Variants in LAMA1 observed in about 807,000 individuals in gnomAD.
LAMA1 encodes the protein laminin subunit alpha-1.
A neutral mutation model predicts 348.7 loss-of-function variants in LAMA1; 219 were observed. The observed-to-expected ratio is 0.63, with a 90% CI of 0.56 to 0.70. The LOEUF (loss-of-function observed/expected upper bound fraction) is 0.70, where lower values mean the gene tolerates loss of function less well. LAMA1 is among the 30% of genes least tolerant of loss of function. LAMA1 has a pLI of 0.00. For missense variants in LAMA1, 3,744 were observed against 3,888.0 expected (o/e 0.96, Z 0.99); for synonymous variants, 1,487 against 1,491.0 (o/e 1.00, Z 0.06).
At chr18:7,030,479 G>C (rs2057963789) in intron 16 of LAMA1, among the ~76,000 whole-genome samples, 1 of 142,782 alleles carries the variant, frequency 7.0e-6, no homozygotes. Context: ...GATGAAATCA[G>C]AATGTGGGGT....
chr18:7,033,911 T>A (rs564261947), intron 14 of LAMA1, among the ~76,000 whole-genome samples: 7 of 152,160 alleles, frequency 4.6e-5, no homozygotes, highest in South Asian at 2.1e-4. Context: ...ATTTTTTGTA[T>A]TTTTAGTAGA....
At chr18:7,055,726 G>A (rs1453029501) in intron 3 of LAMA1, among the ~76,000 whole-genome samples, 1 of 152,052 alleles carries the variant, frequency 6.6e-6, no homozygotes, top group Non-Finnish European at 1.5e-5. Flanking sequence ...AGATGTTTTG[G>A]CTATCTCTGA....
chr18:7,032,457 T>C (rs2057974611), intron 15 of LAMA1, among the ~76,000 whole-genome samples: 1 of 152,212 alleles, frequency 6.6e-6, no homozygotes. Flanking sequence ...CGGCCTATTC[T>C]TGTTATGGTA....
chr18:7,057,324 A>G (rs2058085634), intron 3 of LAMA1, among the ~76,000 whole-genome samples: 1 of 152,076 alleles, frequency 6.6e-6, no homozygotes, highest in Non-Finnish European at 1.5e-5. Flanking sequence ...GGCAGTTTGT[A>G]CTCTTAAGCA....
At chr18:7,035,226 T>C (rs1031552404) in intron 13 of LAMA1, among the ~76,000 whole-genome samples, 1 of 152,090 alleles carries the variant, frequency 6.6e-6, no homozygotes, top group African/African-American at 2.4e-5. Flanking sequence ...TCCTCCTGAC[T>C]GAGCTGGATC....
intron 1 of LAMA1, among the ~76,000 whole-genome samples, chr18:7,093,840 T>C (rs2058249793): frequency 6.7e-6 from 1 of 150,048 alleles, no homozygotes; most frequent in Non-Finnish European, 1.5e-5. Context: ...AGTGTCACGA[T>C]ATCGGCTCCC....
intron 51 of LAMA1, among the ~76,000 whole-genome samples, chr18:6,963,581 C>T (rs531548323): frequency 4.5e-4 from 68 of 152,328 alleles, no homozygotes; most frequent in African/African-American, 1.6e-3. Context: ...AACTGAATGG[C>T]TGCAGCTCTG....
chr18:7,038,457 C>A (rs1478328333), intron 11 of LAMA1: 1 of 372,178 alleles, frequency 2.7e-6, no homozygotes, highest in Non-Finnish European at 5.1e-6. Context: ...GGAAAATCCC[C>A]ATGGCCCCAC....
intron 60 of LAMA1, 76 bp downstream of exon 60, chr18:6,948,327 T>TATA: frequency 6.3e-7 from 1 of 1,590,494 alleles, no homozygotes; most frequent in Non-Finnish European, 8.6e-7. Flanking sequence ...GGTCCTGTCT[T>TATA]ATACTCTTGG....
chr18:6,976,588 A>ATATTTATT (rs66905104), intron 44 of LAMA1, among the ~76,000 whole-genome samples: 62 of 148,308 alleles, frequency 4.2e-4, no homozygotes, highest in Admixed American at 8.1e-4. Flanking sequence ...CCTTGGGCTT[A>ATATTTATT]TATTTATTTA....
chr18:7,009,223 T>C lies in LAMA1; in HGVS notation c.4001+16A>G, dbSNP rs1158266413. ...AATATGAAAATAACGGTCAAAATTC[T>C]AGAAGCTCCAAGTACCTGCTCTGCT... is the stretch of plus-strand genomic sequence containing the variant. On this transcript the variant is annotated intron_variant, in intron 27 of 62. Coordinates refer to ENST00000389658, the MANE Select transcript of LAMA1 (RefSeq NM_005559.4). 2.5e-6 allele frequency: 4 copies of C among 1,614,074 alleles called. No homozygotes were observed. Among genetic ancestry groups the C allele is most frequent in the Non-Finnish European group, 3.4e-6 (4 of 1,179,972 alleles).
chr18:6,945,369 A>T (rs543062260), intron 61 of LAMA1, among the ~76,000 whole-genome samples: 6 of 152,176 alleles, frequency 3.9e-5, no homozygotes, highest in Non-Finnish European at 8.8e-5. Flanking sequence ...AAGGTCAGAC[A>T]TGACCTTTCA....
At chr18:6,985,670 T>C (rs917437136) in intron 37 of LAMA1, 27 bp from the exon 38 acceptor site, 2 of 1,545,864 alleles carry the variant, frequency 1.3e-6, no homozygotes, top group African/African-American at 2.7e-5. Context: ...ATTTTAAGGG[T>C]GCTTCATAAA....
chr18:7,086,226 T>C (rs8095565), intron 1 of LAMA1, among the ~76,000 whole-genome samples: 53,126 of 152,080 alleles, frequency 0.35, 10,555 homozygotes, highest in Non-Finnish European at 0.46. Flanking sequence ...AAGCTTCTTC[T>C]CACCGATGTG....
At chr18:7,107,552 TTG>T (rs2058317337) in intron 1 of LAMA1, among the ~76,000 whole-genome samples, 2 of 152,104 alleles carry the variant, frequency 1.3e-5, no homozygotes, top group Non-Finnish European at 2.9e-5. Flanking sequence ...CACACTACCT[TTG>T]AACATCCTTG....
Position 6,992,437 on chromosome 18 carries a change from C to T in LAMA1, c.5168+124G>A, listed in dbSNP as rs2057762810. 2.7e-6 allele frequency: 3 copies of T among 1,094,262 alleles called. No homozygotes were observed. In the Admixed American group the frequency reaches 5.2e-5, roughly 19 times the overall value. The allele number at this position is 1,094,262 out of a possible 1,614,324, so 67.8% of individuals were successfully genotyped here. A position where few individuals can be genotyped will look rare whatever the true frequency, so the allele number is the denominator to read the frequency against. ...TTACTTGACCACAGGGCCCCTTCTC[C>T]TCTCTTAGGATATTTCATTTCCAGT... On this transcript the variant is annotated intron_variant, in intron 36 of 62. Coordinates refer to ENST00000389658, the MANE Select transcript of LAMA1 (RefSeq NM_005559.4).
In LAMA1 at chr18:7,049,010, A is replaced by C. The variant is rs2058052428; in HGVS notation, c.768+68T>G. ...GAACAACCAAAAAGGAAAGAAGAAA[A>C]ATAATAGTTCCTTTAAATAAAATGA... is the stretch of plus-strand genomic sequence containing the variant. On this transcript the variant is annotated intron_variant, in intron 5 of 62. Transcript: ENST00000389658. 2.0e-6 allele frequency: 3 copies of C among 1,476,868 alleles called. No individual in the cohort carries two copies. The East Asian group carries it at 7.2e-5, about 35-fold the overall frequency. The allele number at this position is 1,476,868 out of a possible 1,614,324, so 91.5% of individuals were successfully genotyped here.
chr18:7,059,770 C>T (rs1293868191), intron 3 of LAMA1, among the ~76,000 whole-genome samples: 3 of 152,188 alleles, frequency 2.0e-5, no homozygotes, highest in Admixed American at 1.3e-4. Flanking sequence ...ACGGTGGTAA[C>T]TGAACAGTGA....
chr18:7,014,718 A>G (rs757713987), intron 22 of LAMA1, among the ~76,000 whole-genome samples: 1 of 152,138 alleles, frequency 6.6e-6, no homozygotes, highest in African/African-American at 2.4e-5. Flanking sequence ...AGAAGGCTAC[A>G]TAGAAAACTG....
Sources: allele counts gnomAD v4.1 joint callset (sites outside exome capture counted in the v4.1 genomes callset), GRCh38; gene constraint gnomAD v4.1.1; transcripts MANE v1.5; gene names NCBI Gene and HGNC (gene_info 2026-07-23, HGNC 2026-07-21).